ALKBH1: variants seen among roughly 807,000 people sequenced by gnomAD.
ALKBH1 encodes nucleic acid dioxygenase ALKBH1.
ALKBH1 carries 31 observed loss-of-function variants against 36.6 expected under a neutral mutation model. That is an observed-to-expected ratio of 0.85 (90% CI 0.64 to 1.14). ALKBH1 has a LOEUF of 1.14. Among genes scored for constraint, ALKBH1 ranks in the 50% most tolerant of loss-of-function variants. The pLI, the probability that ALKBH1 is intolerant of heterozygous loss-of-function variation, is 0.00. For missense variants in ALKBH1, 490 were observed against 497.3 expected (o/e 0.99, Z 0.14); for synonymous variants, 183 against 186.6 (o/e 0.98, Z 0.16).
At chr14:77,698,214 G>C (rs1420931229) in intron 2 of ALKBH1, among the ~76,000 whole-genome samples, 1 of 152,136 alleles carries the variant, frequency 6.6e-6, no homozygotes, top group Non-Finnish European at 1.5e-5. Context: ...AGATTGTGAA[G>C]AAAGAGCCAA....
intron 3 of ALKBH1, among the ~76,000 whole-genome samples, chr14:77,682,271 T>A (rs991076650): frequency 6.6e-6 from 1 of 152,252 alleles, no homozygotes; most frequent in Admixed American, 6.5e-5. Context: ...CCAATGTTTA[T>A]TCAGCTAAAG....
intron 3 of ALKBH1, among the ~76,000 whole-genome samples, chr14:77,684,368 CTT>C (rs56038207): frequency 2.7e-5 from 4 of 148,964 alleles, no homozygotes; most frequent in Non-Finnish European, 3.0e-5. Context: ...TATTCTTTTT[CTT>C]TTTTTTTTTA....
chr14:77,679,282 T>C (rs1595048087), intron 4 of ALKBH1, among the ~76,000 whole-genome samples: 1 of 152,224 alleles, frequency 6.6e-6, no homozygotes, highest in South Asian at 2.1e-4. Flanking sequence ...AAGAAAAATA[T>C]ATGCTCAACA....
rs778062189 is a variant in ALKBH1 at position 77,694,838 on chromosome 14, G to A, written c.355C>T (p.Leu119Phe). The change falls in exon 3 of 6, where the codon CTT (leucine) becomes TTT (phenylalanine). Residue 119 changes from leucine to phenylalanine, a missense_variant. Coordinates refer to ENST00000216489, the MANE Select transcript of ALKBH1 (RefSeq NM_006020.3). ...TTAGGTTTCTGGGAATATAACTTAA[G>A]GCACTGTTTCACCCAGTGCCACTGG... ...GYQWHWVKQC[L>F]KLYSQKPNVC... The A allele has an allele frequency of 3.7e-6, 6 of 1,606,744 alleles. No homozygotes were observed. The African/African-American group carries it at 8.0e-5, about 21-fold the overall frequency.
intron 2 of ALKBH1, among the ~76,000 whole-genome samples, chr14:77,698,826 G>GCCACCT (rs1276156113): frequency 6.6e-6 from 1 of 152,192 alleles, no homozygotes; most frequent in Admixed American, 6.5e-5. Context: ...TTGGCTCACT[G>GCCACCT]CCACCTCCAC....
intron 3 of ALKBH1, among the ~76,000 whole-genome samples, chr14:77,693,727 C>T (rs966378819): frequency 1.1e-4 from 17 of 152,242 alleles, no homozygotes; most frequent in Admixed American, 4.6e-4. Context: ...GTGGCTCACG[C>T]CTGTAGTCTC....
At chr14:77,707,578 C>A (rs990585615) in intron 1 of ALKBH1, among the ~76,000 whole-genome samples, 4 of 152,154 alleles carry the variant, frequency 2.6e-5, no homozygotes, top group African/African-American at 9.7e-5. Context: ...GAAATAAACA[C>A]GGATTCCCAG....
At chr14:77,687,690 T>C (rs926245574) in intron 3 of ALKBH1, among the ~76,000 whole-genome samples, 1 of 147,070 alleles carries the variant, frequency 6.8e-6, no homozygotes, top group African/African-American at 2.5e-5. Flanking sequence ...CTTGAAACAT[T>C]TTCCTGTCTT....
At position 77,682,047 on chromosome 14, in the gene ALKBH1, C is replaced by T. The variant is rs777845830; in HGVS notation, c.456-2077G>A. ...TCTGCTGAGTCCTGAGTCTTCCTGG[C>T]GAATCATCAAATTTGGGTGTGGTTT... On this transcript the variant is annotated intron_variant, in intron 3 of 5. Transcript: ENST00000216489. Among the ~76,000 whole-genome samples the T allele has an allele frequency of 3.9e-5, 6 of 152,086 alleles. No homozygotes were observed. In the East Asian group the frequency reaches 5.8e-4, roughly 15 times the overall value.
intron 3 of ALKBH1, among the ~76,000 whole-genome samples, chr14:77,681,088 G>C (rs1185921885): frequency 6.6e-6 from 1 of 152,034 alleles, no homozygotes; most frequent in Non-Finnish European, 1.5e-5. Context: ...TTACATCATT[G>C]ATCAATCAAA....
At chr14:77,685,768 G>C (rs1033438052) in intron 3 of ALKBH1, among the ~76,000 whole-genome samples, 2 of 151,824 alleles carry the variant, frequency 1.3e-5, no homozygotes, top group Non-Finnish European at 2.9e-5. Flanking sequence ...ACCCTGTCTC[G>C]GGGGGGAAAA....
At chr14:77,698,844 G>T (rs1438493743) in intron 2 of ALKBH1, among the ~76,000 whole-genome samples, 1 of 152,200 alleles carries the variant, frequency 6.6e-6, no homozygotes, top group Non-Finnish European at 1.5e-5. Context: ...CACCTCCCTG[G>T]TTCAAGCGAT....
chr14:77,674,308 G>C (rs773299563), intron 5 of ALKBH1, 67 bp from the exon 6 acceptor site: 1,034 of 1,416,324 alleles, frequency 7.3e-4, no homozygotes, highest in Non-Finnish European at 9.3e-4. Flanking sequence ...ACTATGACTG[G>C]GAAAGTTACT....
chr14:77,680,024 C>T (rs930859714), intron 3 of ALKBH1, 54 bp from the exon 4 acceptor site: 5 of 1,376,592 alleles, frequency 3.6e-6, no homozygotes, highest in Non-Finnish European at 5.2e-6. Flanking sequence ...GCAGCAATAG[C>T]CGTTTGTATG....
At chr14:77,683,044 G>C (rs2080246929) in intron 3 of ALKBH1, among the ~76,000 whole-genome samples, 1 of 151,754 alleles carries the variant, frequency 6.6e-6, no homozygotes, top group African/African-American at 2.4e-5. Flanking sequence ...TAGAGATGTA[G>C]TCTCACCATG....
chr14:77,706,911 C>T (rs1240315312), intron 1 of ALKBH1, among the ~76,000 whole-genome samples: 2 of 152,108 alleles, frequency 1.3e-5, no homozygotes, highest in Non-Finnish European at 2.9e-5. Flanking sequence ...GGAAAGAATG[C>T]CTCATCTAGA....
intron 2 of ALKBH1, among the ~76,000 whole-genome samples, chr14:77,703,905 T>C (rs2080374072): frequency 6.6e-6 from 1 of 152,134 alleles, no homozygotes; most frequent in African/African-American, 2.4e-5. Flanking sequence ...GCGAGGACTT[T>C]TGATGTCATT....
chr14:77,689,593 G>C (rs544728487), intron 3 of ALKBH1, among the ~76,000 whole-genome samples: 1 of 152,180 alleles, frequency 6.6e-6, no homozygotes, highest in Non-Finnish European at 1.5e-5. Flanking sequence ...TAAGAATCAA[G>C]GCTACAAAAT....
At chr14:77,675,633 C>A in intron 5 of ALKBH1, 23 bp downstream of exon 5, 1 of 1,568,846 alleles carries the variant, frequency 6.4e-7, no homozygotes, top group Non-Finnish European at 8.7e-7. Context: ...AAAAGTAATC[C>A]CAAATCCCTG....
Sources: gnomAD v4.1 joint callset for allele counts (sites outside exome capture counted in the v4.1 genomes callset) on GRCh38, gnomAD v4.1.1 for gene constraint, MANE v1.5 for transcripts, NCBI Gene and HGNC (gene_info 2026-07-23, HGNC 2026-07-21) for gene names.